Variants in GRIA1 observed in about 807,000 individuals in gnomAD.
GRIA1 encodes glutamate receptor 1.
In GRIA1, 31 loss-of-function variants were observed where a neutral mutation model predicts 99.2. The ratio of observed to expected loss-of-function variants is 0.31; its 90% CI spans 0.23 to 0.42. The LOEUF is 0.42. Ranked by LOEUF, GRIA1 falls within the 10% of genes least tolerant of loss-of-function variation. GRIA1 has a pLI of 1.00. For missense variants in GRIA1, 782 were observed against 1,157.5 expected, an observed-to-expected ratio of 0.68 and a Z score of 4.71; for synonymous variants, 438 against 432.4, an observed-to-expected ratio of 1.01 and a Z score of -0.16.
intron 15 of GRIA1, among the ~76,000 whole-genome samples, chr5:153,805,452 A>C (rs1049996266): frequency 2.0e-5 from 3 of 152,214 alleles, no homozygotes; most frequent in Non-Finnish European, 4.4e-5. Context: ...TCTTAGTTAA[A>C]GCAAGTATTG....
At chr5:153,808,381 G>A (rs896783327) in intron 15 of GRIA1, among the ~76,000 whole-genome samples, 3 of 151,746 alleles carry the variant, frequency 2.0e-5, no homozygotes, top group Non-Finnish European at 2.9e-5. Context: ...GTTTAGCCAC[G>A]ACGGGGGGCG....
Position 153,706,077 on chromosome 5 carries a change from C to T in GRIA1, c.1823+10C>T. The T allele has an allele frequency of 6.2e-7, 1 of 1,613,210 alleles. No individual in the cohort carries two copies. Among genetic ancestry groups the T allele is most frequent in the Non-Finnish European group, 8.5e-7 (1 of 1,179,348 alleles). ...GTGACATTTCTCCCAGGTCAGTCAG[C>T]TCTTCTCAATCCCTTTGCCTAATGC... On this transcript the variant is annotated intron_variant, in intron 11 of 15. Coordinates refer to ENST00000285900, the MANE Select transcript of GRIA1 (RefSeq NM_000827.4).
At chr5:153,648,384 G>A (rs1754311001) in intron 3 of GRIA1, among the ~76,000 whole-genome samples, 1 of 152,076 alleles carries the variant, frequency 6.6e-6, no homozygotes, top group South Asian at 2.1e-4. Context: ...TTTGCTTGTG[G>A]GAGATCATCT....
intron 13 of GRIA1, among the ~76,000 whole-genome samples, chr5:153,792,784 G>T (rs923053917): frequency 2.6e-5 from 4 of 152,122 alleles, no homozygotes; most frequent in Admixed American, 6.5e-5. Context: ...AAGAAACAGA[G>T]AGAGAAAGAC....
intron 11 of GRIA1, among the ~76,000 whole-genome samples, chr5:153,722,770 G>T (rs556067993): frequency 6.6e-6 from 1 of 152,196 alleles, no homozygotes; most frequent in Non-Finnish European, 1.5e-5. Flanking sequence ...GGGGTACGGG[G>T]TGTAGAAGGG....
At chr5:153,777,997 A>G (rs865947901) in intron 13 of GRIA1, among the ~76,000 whole-genome samples, 4 of 152,340 alleles carry the variant, frequency 2.6e-5, no homozygotes, top group African/African-American at 9.6e-5. Context: ...GGGCCTGATC[A>G]GAGACAAAGC....
At chr5:153,756,293 C>T (rs1187308009) in intron 11 of GRIA1, among the ~76,000 whole-genome samples, 3 of 152,056 alleles carry the variant, frequency 2.0e-5, no homozygotes, top group African/African-American at 7.2e-5. Flanking sequence ...GGGAAACTCC[C>T]CCACCCATGC....
At chr5:153,701,827 T>C (rs1758555143) in intron 10 of GRIA1, among the ~76,000 whole-genome samples, 1 of 152,020 alleles carries the variant, frequency 6.6e-6, no homozygotes, top group South Asian at 2.1e-4. Flanking sequence ...TTTCTGTGGC[T>C]TTCTAAATAA....
intron 5 of GRIA1, among the ~76,000 whole-genome samples, chr5:153,665,325 A>T (rs1019023641): frequency 1.3e-5 from 2 of 152,230 alleles, no homozygotes; most frequent in African/African-American, 4.8e-5. Context: ...GTGTTTGCAG[A>T]TATCCAAGTG....
chr5:153,649,633 A>AT (rs60351591), intron 3 of GRIA1, among the ~76,000 whole-genome samples: 2,278 of 151,422 alleles, frequency 0.015, 52 homozygotes, highest in African/African-American at 0.05. Context: ...AATTTTTGTA[A>AT]TTTTTTTTAG....
chr5:153,635,483 A>C (rs1223791443), intron 2 of GRIA1, among the ~76,000 whole-genome samples: 1 of 152,216 alleles, frequency 6.6e-6, no homozygotes, highest in Non-Finnish European at 1.5e-5. Context: ...AGGCAGAGCT[A>C]GGTAGATGTA....
intron 5 of GRIA1, among the ~76,000 whole-genome samples, chr5:153,664,765 A>G (rs1755625565): frequency 6.6e-6 from 1 of 152,126 alleles, no homozygotes; most frequent in African/African-American, 2.4e-5. Flanking sequence ...TTACTACAAT[A>G]TTTCTTACCT....
chr5:153,581,676 T>C (rs1034165217), intron 2 of GRIA1, among the ~76,000 whole-genome samples: 2 of 152,088 alleles, frequency 1.3e-5, no homozygotes, highest in African/African-American at 4.8e-5. Context: ...ACATTGCCTT[T>C]GGTAATGTCT....
chr5:153,540,485 A>G (rs1758975949), intron 2 of GRIA1, among the ~76,000 whole-genome samples: 1 of 152,188 alleles, frequency 6.6e-6, no homozygotes, highest in East Asian at 1.9e-4. Context: ...ATGGCCCCCC[A>G]GAGCACTCCT....
chr5:153,629,601 T>C (rs1282461444), intron 2 of GRIA1, among the ~76,000 whole-genome samples: 1 of 152,226 alleles, frequency 6.6e-6, no homozygotes, highest in Non-Finnish European at 1.5e-5. Flanking sequence ...TTGGGCTCCG[T>C]GTACACACAC....
chr5:153,788,232 C>T (rs1316597111), intron 13 of GRIA1, among the ~76,000 whole-genome samples: 3 of 152,146 alleles, frequency 2.0e-5, no homozygotes, highest in Non-Finnish European at 4.4e-5. Flanking sequence ...CTTCAATCCC[C>T]CATAACCAAT....
intron 11 of GRIA1, among the ~76,000 whole-genome samples, chr5:153,736,788 G>A (rs546609862): frequency 3.8e-4 from 58 of 152,120 alleles, no homozygotes; most frequent in African/African-American, 1.4e-3. Flanking sequence ...GGATTGCCCT[G>A]AAAAAAATAT....
chr5:153,592,474 A>G (rs563975668), intron 2 of GRIA1, among the ~76,000 whole-genome samples: 10 of 152,382 alleles, frequency 6.6e-5, no homozygotes, highest in African/African-American at 2.4e-4. Context: ...TTGTGTAAAA[A>G]GGAGATTTTT....
At chr5:153,710,237 A>C (rs1759213394) in intron 11 of GRIA1, among the ~76,000 whole-genome samples, 1 of 151,514 alleles carries the variant, frequency 6.6e-6, no homozygotes, top group Non-Finnish European at 1.5e-5. Flanking sequence ...AAAAAAAAAA[A>C]ACAACTTTTT....
Sources: allele counts gnomAD v4.1 joint callset (sites outside exome capture counted in the v4.1 genomes callset), GRCh38; gene constraint gnomAD v4.1.1; transcripts MANE v1.5; gene names NCBI Gene and HGNC (gene_info 2026-07-23, HGNC 2026-07-21).